Variants in PTPRZ1 observed in about 807,000 individuals in gnomAD.
PTPRZ1 encodes the protein receptor-type tyrosine-protein phosphatase zeta.
In PTPRZ1, 82 loss-of-function variants were observed where a neutral mutation model predicts 214.1. The ratio of observed to expected loss-of-function variants is 0.38; its 90% confidence interval spans 0.32 to 0.46. PTPRZ1 has a LOEUF of 0.46. Among genes scored for constraint, PTPRZ1 ranks in the 20% least tolerant of loss-of-function variants. The pLI is 1.00. For synonymous variants in PTPRZ1, 945 were observed against 987.9 expected, an observed-to-expected ratio of 0.96 and a Z score of 0.81; for missense variants, 2,603 against 2,748.7, an observed-to-expected ratio of 0.95 and a Z score of 1.19.
At chr7:121,975,298 A>T (rs1355135783) in intron 4 of PTPRZ1, among the ~76,000 whole-genome samples, 2 of 152,230 alleles carry the variant, frequency 1.3e-5, no homozygotes, top group Non-Finnish European at 2.9e-5. Flanking sequence ...GTTTTAAATC[A>T]TATTTCTTTC....
chr7:122,018,208 C>G (rs751891907), intron 12 of PTPRZ1, among the ~76,000 whole-genome samples: 1 of 152,080 alleles, frequency 6.6e-6, no homozygotes, highest in African/African-American at 2.4e-5. Flanking sequence ...TGTTAGAAAC[C>G]GTTCTCATGC....
intron 11 of PTPRZ1, among the ~76,000 whole-genome samples, chr7:122,010,018 G>A (rs1798599063): frequency 6.6e-6 from 1 of 152,096 alleles, no homozygotes; most frequent in African/African-American, 2.4e-5. Context: ...TAAATGCCAT[G>A]TTAAATAACA....
chr7:121,987,718 A>G (rs1390114086), intron 8 of PTPRZ1, among the ~76,000 whole-genome samples: 1 of 152,198 alleles, frequency 6.6e-6, no homozygotes, highest in Non-Finnish European at 1.5e-5. Flanking sequence ...CTAAGAAGTG[A>G]CATATGCACT....
At chr7:121,951,799 C>T (rs1266087272) in intron 2 of PTPRZ1, among the ~76,000 whole-genome samples, 1 of 152,128 alleles carries the variant, frequency 6.6e-6, no homozygotes, top group Non-Finnish European at 1.5e-5. Flanking sequence ...CCTGATAAAC[C>T]TTCTCTGTCC....
At chr7:121,884,993 T>C (rs1794356850) in intron 1 of PTPRZ1, among the ~76,000 whole-genome samples, 1 of 152,294 alleles carries the variant, frequency 6.6e-6, no homozygotes, top group African/African-American at 2.4e-5. Context: ...TCAAGAAACA[T>C]AACAATAAAT....
rs1160836388 is a variant in PTPRZ1 at position 122,061,915 on chromosome 7, T to C, written c.*695T>C. The C allele has an allele frequency of 6.6e-6, 1 of 152,654 alleles. No homozygotes were observed. The highest frequency in any genetic ancestry group is 1.5e-5 in the Non-Finnish European group (1 of 68,036). 9.5% of individuals were successfully genotyped at this position (152,654 alleles called of 1,614,324 possible). ...TGTTTCAGCATGTAATTTTAACTTT[T>C]GTGGAAAATAGAAATACCTTCATTT... is the stretch of plus-strand genomic sequence containing the variant. On this transcript the variant is annotated 3_prime_UTR_variant, in exon 30 of 30. Coordinates refer to ENST00000393386, the MANE Select transcript of PTPRZ1 (RefSeq NM_002851.3).
intron 1 of PTPRZ1, among the ~76,000 whole-genome samples, chr7:121,879,230 AG>A (rs2116151522): frequency 6.6e-6 from 1 of 152,290 alleles, no homozygotes; most frequent in South Asian, 2.1e-4. Context: ...TTAATTCTAG[AG>A]GAGTTGGCAC....
At chr7:121,885,157 A>T (rs532729592) in intron 1 of PTPRZ1, among the ~76,000 whole-genome samples, 1 of 152,334 alleles carries the variant, frequency 6.6e-6, no homozygotes, top group South Asian at 2.1e-4. Flanking sequence ...GAAAAGATAT[A>T]AGCAAAATGT....
At chr7:122,051,608 A>G (rs1463731918) in intron 24 of PTPRZ1, 87 bp downstream of exon 24, 1 of 1,060,136 alleles carries the variant, frequency 9.4e-7, no homozygotes, top group Non-Finnish European at 1.4e-6. Flanking sequence ...ATACCTTTGG[A>G]GCAAATGGAG....
chr7:122,059,479 T>TC (rs902028938), intron 28 of PTPRZ1: 18 of 285,040 alleles, frequency 6.3e-5, no homozygotes, highest in African/African-American at 3.5e-4. Flanking sequence ...CTCAGGTTTT[T>TC]TTTATTATTG....
chr7:121,954,021 T>C (rs974774026), intron 2 of PTPRZ1, among the ~76,000 whole-genome samples: 4 of 152,324 alleles, frequency 2.6e-5, no homozygotes, highest in African/African-American at 9.6e-5. Context: ...ACCCCACAGC[T>C]AATCAACTAA....
At chr7:122,000,624 G>A (rs1203767863) in intron 10 of PTPRZ1, among the ~76,000 whole-genome samples, 1 of 112,026 alleles carries the variant, frequency 8.9e-6, no homozygotes, top group Non-Finnish European at 1.8e-5. Context: ...ATTTATAATT[G>A]CTGTCATTCT....
chr7:121,877,170 C>T (rs763714429), intron 1 of PTPRZ1, among the ~76,000 whole-genome samples: 1 of 152,166 alleles, frequency 6.6e-6, no homozygotes, highest in Non-Finnish European at 1.5e-5. Context: ...CCTCAAAACC[C>T]TTTGATATTG....
intron 1 of PTPRZ1, among the ~76,000 whole-genome samples, chr7:121,878,663 T>C (rs938995889): frequency 6.6e-6 from 1 of 152,198 alleles, no homozygotes; most frequent in Non-Finnish European, 1.5e-5. Flanking sequence ...TGTTCTGTTA[T>C]CCACTGTATT....
chr7:121,926,221 C>T (rs1407257705), intron 1 of PTPRZ1, among the ~76,000 whole-genome samples: 1 of 117,008 alleles, frequency 8.5e-6, no homozygotes, highest in Non-Finnish European at 1.9e-5. Flanking sequence ...AGAAGAATCG[C>T]TTGAACCGGA....
At chr7:121,958,603 T>G (rs1014232671) in intron 2 of PTPRZ1, among the ~76,000 whole-genome samples, 1 of 152,194 alleles carries the variant, frequency 6.6e-6, no homozygotes, top group African/African-American at 2.4e-5. Flanking sequence ...CCATATTTTT[T>G]GTTGTTTAAT....
intron 1 of PTPRZ1, among the ~76,000 whole-genome samples, chr7:121,880,969 A>G (rs1486745068): frequency 6.6e-6 from 1 of 152,114 alleles, no homozygotes; most frequent in African/African-American, 2.4e-5. Context: ...TAGGTTGATA[A>G]TTCTCAATCC....
At chr7:121,900,615 G>C (rs553083114) in intron 1 of PTPRZ1, among the ~76,000 whole-genome samples, 1 of 152,276 alleles carries the variant, frequency 6.6e-6, no homozygotes, top group Non-Finnish European at 1.5e-5. Flanking sequence ...TTGATATAGT[G>C]GTTCATCTCT....
chr7:121,979,183 A>C (rs567853457), intron 6 of PTPRZ1, among the ~76,000 whole-genome samples: 1 of 151,900 alleles, frequency 6.6e-6, no homozygotes, highest in South Asian at 2.1e-4. Context: ...CCCATTTCTC[A>C]TTCCTCCCCT....
Sources: gnomAD v4.1 joint callset for allele counts (sites outside exome capture counted in the v4.1 genomes callset) on GRCh38, gnomAD v4.1.1 for gene constraint, MANE v1.5 for transcripts, NCBI Gene and HGNC (gene_info 2026-07-23, HGNC 2026-07-21) for gene names.